Variants in HDAC9 observed in about 807,000 individuals in gnomAD.
HDAC9 encodes MEF-2 interacting transcription repressor (MITR) protein.
HDAC9 carries 41 observed loss-of-function variants against 139.4 expected under a neutral mutation model. That is an observed-to-expected ratio of 0.29 (90% CI 0.23 to 0.38). The LOEUF (loss-of-function observed/expected upper bound fraction) is 0.38, where lower values mean the gene tolerates loss of function less well. Ranked by LOEUF, HDAC9 falls within the 10% of genes least tolerant of loss-of-function variation. The probability of loss-of-function intolerance (pLI) is 1.00; values close to 1 mark genes in which losing one functional copy is unlikely to be tolerated. For missense variants in HDAC9, 1,147 were observed against 1,297.0 expected, an observed-to-expected ratio of 0.88 and a Z score of 1.78; for synonymous variants, 517 against 476.2, an observed-to-expected ratio of 1.09 and a Z score of -1.12.
At chr7:18,188,849 G>T (rs887907858) in intron 2 of HDAC9, among the ~76,000 whole-genome samples, 1 of 151,946 alleles carries the variant, frequency 6.6e-6, no homozygotes, top group African/African-American at 2.4e-5. Context: ...ACAATAAGAT[G>T]CTGGCGAGGC....
intron 1 of HDAC9, among the ~76,000 whole-genome samples, chr7:18,132,135 C>G (rs1017397496): frequency 6.6e-6 from 1 of 152,058 alleles, no homozygotes; most frequent in Non-Finnish European, 1.5e-5. Context: ...TCCCTTTGCT[C>G]CCAAGTCACA....
chr7:18,104,882 G>T (rs1268287603), intron 1 of HDAC9, among the ~76,000 whole-genome samples: 2 of 151,842 alleles, frequency 1.3e-5, no homozygotes, highest in African/African-American at 4.8e-5. Context: ...TTTTCTAAAG[G>T]CTATTTCCTT....
chr7:18,929,793 A>G lies in HDAC9; in HGVS notation c.2804-6016A>G, dbSNP rs372816641. 2.6e-3 allele frequency among the ~76,000 whole-genome samples: 394 copies of G among 152,176 alleles called. 1 individual carries two copies. The highest frequency in any genetic ancestry group is 0.014 in the Middle Eastern group (4 of 294). ...CGTCTCTACTAAAAATACAAAAATT[A>G]GCTGGGTGTGGTGGTGCACGCCTGT... On this transcript the variant is annotated intron_variant, in intron 22 of 25. Transcript: ENST00000686413.
intron 13 of HDAC9, among the ~76,000 whole-genome samples, chr7:18,735,357 T>C: frequency 6.6e-6 from 1 of 152,226 alleles, no homozygotes; most frequent in East Asian, 1.9e-4. Context: ...TCTAGGGTTT[T>C]TATGGTTTTA....
intron 2 of HDAC9, among the ~76,000 whole-genome samples, chr7:18,559,681 G>T (rs1178099421): frequency 6.6e-6 from 1 of 152,154 alleles, no homozygotes; most frequent in African/African-American, 2.4e-5. Flanking sequence ...AGCCTGCATA[G>T]GTGGTCTGGA....
intron 2 of HDAC9, among the ~76,000 whole-genome samples, chr7:18,576,656 C>CAAA (rs61179284): frequency 0.013 from 1,175 of 91,828 alleles, 13 homozygotes; most frequent in Middle Eastern, 0.083. Flanking sequence ...GACTTCATGT[C>CAAA]AAAAAAAAAA....
intron 12 of HDAC9, among the ~76,000 whole-genome samples, chr7:18,690,749 A>T (rs1182540649): frequency 1.3e-5 from 2 of 152,040 alleles, no homozygotes; most frequent in Non-Finnish European, 2.9e-5. Context: ...AGACAGGACA[A>T]AGTAACCAAT....
chr7:18,691,520 G>T (rs904819719), intron 12 of HDAC9, among the ~76,000 whole-genome samples: 1 of 151,940 alleles, frequency 6.6e-6, no homozygotes, highest in African/African-American at 2.4e-5. Flanking sequence ...GGGCTGCTTC[G>T]TGGTTTCTGG....
At chr7:18,334,709 T>C (rs1341990303) in intron 1 of HDAC9, among the ~76,000 whole-genome samples, 1 of 151,498 alleles carries the variant, frequency 6.6e-6, no homozygotes, top group Non-Finnish European at 1.5e-5. Context: ...AAGATAATTG[T>C]AAAGAAGGAA....
At chr7:18,461,119 T>A (rs1793807420) in intron 1 of HDAC9, among the ~76,000 whole-genome samples, 1 of 152,162 alleles carries the variant, frequency 6.6e-6, no homozygotes, top group South Asian at 2.1e-4. Context: ...TACGTGTGCA[T>A]GCGTATACAT....
intron 2 of HDAC9, among the ~76,000 whole-genome samples, chr7:18,531,474 A>G (rs1808914041): frequency 6.6e-6 from 1 of 152,140 alleles, no homozygotes; most frequent in Admixed American, 6.5e-5. Context: ...ATATGTATGT[A>G]ATTAAGAACC....
chr7:18,773,991 GT>G (rs79266859), intron 16 of HDAC9, among the ~76,000 whole-genome samples: 1 of 150,586 alleles, frequency 6.6e-6, no homozygotes, highest in African/African-American at 2.4e-5. Flanking sequence ...GAGAACAACA[GT>G]TTTTTTTTCA....
chr7:18,382,772 A>T (rs1428174947), intron 1 of HDAC9, among the ~76,000 whole-genome samples: 4 of 152,258 alleles, frequency 2.6e-5, no homozygotes, highest in African/African-American at 9.6e-5. Flanking sequence ...TAAAGTAATT[A>T]TTTGGAAACA....
chr7:18,192,111 C>T (rs1251146615), intron 2 of HDAC9, among the ~76,000 whole-genome samples: 1 of 152,130 alleles, frequency 6.6e-6, no homozygotes, highest in Non-Finnish European at 1.5e-5. Context: ...GTAGGATGAA[C>T]CCGGCCGGGG....
At chr7:18,506,522 ATC>A (rs1274625527) in intron 2 of HDAC9, among the ~76,000 whole-genome samples, 1 of 151,782 alleles carries the variant, frequency 6.6e-6, no homozygotes, top group Non-Finnish European at 1.5e-5. Flanking sequence ...GTGTATATAT[ATC>A]TGTTTCTAAA....
At chr7:18,440,189 CT>C (rs527897900) in intron 1 of HDAC9, among the ~76,000 whole-genome samples, 220 of 130,070 alleles carry the variant, frequency 1.7e-3, no homozygotes, top group South Asian at 0.011. Flanking sequence ...TTTTTTTTTT[CT>C]TTTTTTTTTT....
chr7:18,317,517 A>C (rs1372510204), intron 1 of HDAC9, among the ~76,000 whole-genome samples: 1 of 152,224 alleles, frequency 6.6e-6, no homozygotes, highest in East Asian at 1.9e-4. Flanking sequence ...CTGTATAGGA[A>C]TATCCCGTCA....
At chr7:18,968,164 AAAAG>A (rs540179663) in intron 24 of HDAC9, among the ~76,000 whole-genome samples, 5 of 152,190 alleles carry the variant, frequency 3.3e-5, no homozygotes, top group African/African-American at 9.7e-5. Flanking sequence ...CTCCACCTAA[AAAAG>A]AAAGAAAGAA....
intron 1 of HDAC9, among the ~76,000 whole-genome samples, chr7:18,102,994 C>T (rs1201265229): frequency 2.0e-5 from 3 of 152,144 alleles, no homozygotes; most frequent in Non-Finnish European, 2.9e-5. Context: ...AAGACATACC[C>T]GAGACTGGGT....
Sources: gnomAD v4.1 joint callset for allele counts (sites outside exome capture counted in the v4.1 genomes callset) on GRCh38, gnomAD v4.1.1 for gene constraint, MANE v1.5 for transcripts, NCBI Gene and HGNC (gene_info 2026-07-23, HGNC 2026-07-21) for gene names.